Variants in SCN3A observed in about 807,000 individuals in gnomAD.
SCN3A encodes sodium channel protein type 3 subunit alpha.
Under a neutral mutation model 187.6 loss-of-function variants are expected in SCN3A, and 60 were observed. That is an observed-to-expected ratio of 0.32 (90% CI 0.26 to 0.40). SCN3A has a LOEUF of 0.40. Ranked by LOEUF, SCN3A falls within the 10% of genes least tolerant of loss-of-function variation. SCN3A has a pLI of 1.00. For synonymous variants in SCN3A, 788 were observed against 829.2 expected (o/e 0.95, Z 0.85); for missense variants, 1,601 against 2,428.2 (o/e 0.66, Z 7.16).
chr2:165,135,065 T>C (rs934654925), intron 15 of SCN3A, among the ~76,000 whole-genome samples: 1 of 152,056 alleles, frequency 6.6e-6, no homozygotes, highest in African/African-American at 2.4e-5. Flanking sequence ...GCCCTAAAAA[T>C]CAATGGGATT....
intron 11 of SCN3A, among the ~76,000 whole-genome samples, chr2:165,147,978 A>T (rs1047211760): frequency 1.3e-5 from 2 of 152,178 alleles, no homozygotes; most frequent in Admixed American, 6.5e-5. Flanking sequence ...AGTGAAAATA[A>T]TTAAATTATG....
chr2:165,123,687 A>G (rs1185735440), intron 18 of SCN3A, among the ~76,000 whole-genome samples: 5 of 152,176 alleles, frequency 3.3e-5, no homozygotes, highest in Admixed American at 3.3e-4. Context: ...GTTATTTTAA[A>G]TGTGTTCGTG....
intron 1 of SCN3A, among the ~76,000 whole-genome samples, chr2:165,197,162 C>T (rs1445834552): frequency 6.6e-6 from 1 of 152,084 alleles, no homozygotes; most frequent in Non-Finnish European, 1.5e-5. Context: ...GAAATGGACA[C>T]AAGTGTATTT....
intron 2 of SCN3A, among the ~76,000 whole-genome samples, chr2:165,185,044 C>G (rs1464081253): frequency 6.6e-6 from 1 of 150,586 alleles, no homozygotes; most frequent in Non-Finnish European, 1.5e-5. Flanking sequence ...TGTACCTGGA[C>G]TCAATGTCAT....
intron 1 of SCN3A, among the ~76,000 whole-genome samples, chr2:165,188,893 A>G (rs1291682362): frequency 6.6e-6 from 1 of 151,936 alleles, no homozygotes; most frequent in Non-Finnish European, 1.5e-5. Context: ...TTCTGCAAAA[A>G]GTAGGTCTGA....
At chr2:165,162,487 A>G (rs1365971565) in intron 8 of SCN3A, 69 bp downstream of exon 8, 7 of 1,604,636 alleles carry the variant, frequency 4.4e-6, no homozygotes, top group Non-Finnish European at 6.0e-6. Context: ...GTACACCCAC[A>G]GTCTCAACTA....
chr2:165,090,613 A>G lies in SCN3A; in HGVS notation c.5540T>C (p.Ile1847Thr), dbSNP rs1685046616. The G allele has an allele frequency of 1.2e-6, 2 of 1,614,066 alleles. No individual in the cohort carries two copies. The highest frequency in any genetic ancestry group is 1.7e-6 in the Non-Finnish European group (2 of 1,180,002). Residue 1847 changes from isoleucine (I) to threonine (T), a missense_variant, in exon 28 of 28, where the codon ATC becomes ACC. Coordinates refer to ENST00000283254, the MANE Select transcript of SCN3A (RefSeq NM_006922.4). This position sits in a 1 kb window ranked among gnomAD's most constrained non-coding sequence, Gnocchi z 4.0. ...MDLPMVSGDR[I>T]HCLDILFAFT... The stretch of plus-strand genomic sequence containing the variant: ...GGCAAATAAAATATCAAGACAGTGG[A>G]TCCGGTCACCACTGACCATGGGCAG...
chr2:165,164,718 A>G, intron 5 of SCN3A, among the ~76,000 whole-genome samples, 198 bp from the exon 6 acceptor site: 1 of 152,156 alleles, frequency 6.6e-6, no homozygotes, highest in East Asian at 1.9e-4. Flanking sequence ...GAGAAAATAT[A>G]TTCTTTAGGA....
At position 165,126,486 on chromosome 2, in the gene SCN3A, TTTTC is replaced by T. The variant is rs778023984; in HGVS notation, c.3393+1141_3393+1144del. Reference sequence around the variant, plus strand: ...TTTCTCTTTCTTTATTTCTTCCTTCTTTTCTTTCTTTCTTTCCTTCTTTTTTTCT... The same window carrying T: ...TTTCTCTTTCTTTATTTCTTCCTTCTTTTCTTTCTTTCCTTCTTTTTTTCT... On this transcript the variant is annotated intron_variant, in intron 18 of 27. Transcript: ENST00000283254. Among the ~76,000 whole-genome samples, 137 of 145,992 alleles carry T rather than the reference TTTTC, an allele frequency of 9.4e-4. No homozygotes were observed. The Middle Eastern group carries it at 0.011, about 12-fold the overall frequency.
Position 165,100,316 on chromosome 2 carries a change from A to G in SCN3A, c.3952T>C (p.Phe1318Leu). ...ATTCTTCTTACCCTCATGCCTTCAA[A>G]CCGGGATAAGGCTCTTAGAGGTCTT... ...ALRPLRALSR[F>L]EGMRVVVNAL... Residue 1318 changes from phenylalanine (F) to leucine (L), a missense_variant, in exon 22 of 28, where the codon TTT becomes CTT. By Grantham distance (22) the Phe-to-Leu change is conservative. This residue lies in a region of SCN3A where 320 missense variants were observed against 623.2 expected (regional missense o/e 0.51). Coordinates refer to ENST00000283254, the MANE Select transcript of SCN3A (RefSeq NM_006922.4). 1.2e-6 allele frequency: 2 copies of G among 1,613,882 alleles called. No homozygotes were observed. The highest frequency in any genetic ancestry group is 1.7e-4 in the Middle Eastern group (1 of 6,046).
At position 165,088,852 on chromosome 2, in the gene SCN3A, T is replaced by G. The variant is rs1400887220; in HGVS notation, c.*1298A>C. On this transcript the variant is annotated 3_prime_UTR_variant, in exon 28 of 28. Transcript: ENST00000283254. ...TTTTGTCAGTAGGCAGTATCCAGTG[T>G]GTTTCCTTGAAATCTAGAGAGATAC... 3.9e-5 allele frequency: 6 copies of G among 152,594 alleles called. No homozygotes were observed. The highest frequency in any genetic ancestry group is 5.9e-5 in the Non-Finnish European group (4 of 67,976). 9.5% of individuals were successfully genotyped at this position (152,594 alleles called of 1,614,324 possible).
chr2:165,177,758 A>G (rs1169588663), intron 2 of SCN3A, among the ~76,000 whole-genome samples: 1 of 152,220 alleles, frequency 6.6e-6, no homozygotes, highest in African/African-American at 2.4e-5. Flanking sequence ...TACATAATAG[A>G]ACTATCAAAA....
chr2:165,177,119 T>A (rs1437205538), intron 2 of SCN3A, among the ~76,000 whole-genome samples: 2 of 152,180 alleles, frequency 1.3e-5, no homozygotes, highest in Non-Finnish European at 2.9e-5. Context: ...GTATTTCCTT[T>A]CTTTTATTAA....
Position 165,144,705 on chromosome 2 carries a change from T to C in SCN3A, c.1671+2034A>G, listed in dbSNP as rs555952570. Among the ~76,000 whole-genome samples, 5 of 152,300 alleles carry C rather than the reference T, an allele frequency of 3.3e-5. No homozygotes were observed. The East Asian group carries it at 5.8e-4, about 18-fold the overall frequency. On this transcript the variant is annotated intron_variant, in intron 12 of 27. Coordinates refer to ENST00000283254, the MANE Select transcript of SCN3A (RefSeq NM_006922.4). ...TCCTCTTTTCCTGCTTACTTTTTTT[T>C]CCCTTAACATTTGTTACCTTCTAAC... is the stretch of plus-strand genomic sequence containing the variant.
intron 15 of SCN3A, among the ~76,000 whole-genome samples, chr2:165,133,332 C>T (rs1025635453): frequency 1.8e-4 from 28 of 151,938 alleles, no homozygotes; most frequent in East Asian, 5.8e-4. Flanking sequence ...CACATGCACA[C>T]GTATGTTTAT....
chr2:165,101,146 G>A (rs1001039714), intron 21 of SCN3A, among the ~76,000 whole-genome samples: 11 of 152,146 alleles, frequency 7.2e-5, no homozygotes, highest in Admixed American at 5.9e-4. Flanking sequence ...ACACTCAAAA[G>A]AAATGCCCAT....
chr2:165,107,626 A>G (rs1263640962), intron 21 of SCN3A, among the ~76,000 whole-genome samples: 5 of 152,222 alleles, frequency 3.3e-5, no homozygotes, highest in African/African-American at 4.8e-5. Context: ...ACTTATACGC[A>G]ATCACCTTCG....
intron 15 of SCN3A, 88 bp downstream of exon 15, chr2:165,137,791 G>T: frequency 1.0e-6 from 1 of 959,344 alleles, no homozygotes. Context: ...ATAATTTTTG[G>T]GTTCAACACA....
chr2:165,190,959 C>G (rs1230633195), intron 1 of SCN3A, among the ~76,000 whole-genome samples: 1 of 151,752 alleles, frequency 6.6e-6, no homozygotes, highest in Non-Finnish European at 1.5e-5. Flanking sequence ...GGCTGGGACC[C>G]AATTTTGCAT....
Sources: gnomAD v4.1 joint callset for allele counts (sites outside exome capture counted in the v4.1 genomes callset) on GRCh38, gnomAD v4.1.1 for gene constraint, gnomAD v4.1.1 regional missense constraint, Gnocchi (gnomAD v3.1) non-coding constraint, MANE v1.5 for transcripts, NCBI Gene and HGNC (gene_info 2026-07-23, HGNC 2026-07-21) for gene names.